Variants in SLC15A2 observed in about 807,000 individuals in gnomAD.
SLC15A2 encodes solute carrier family 15 member 2.
Under a neutral mutation model 95.5 loss-of-function variants are expected in SLC15A2, and 77 were observed. That is an observed-to-expected ratio of 0.81 (90% CI 0.67 to 0.97). The LOEUF is 0.97. Ranked by LOEUF, SLC15A2 falls within the 50% of genes least tolerant of loss-of-function variation. The pLI is 0.00. For missense variants in SLC15A2, 893 were observed against 874.4 expected, an observed-to-expected ratio of 1.02 and a Z score of -0.27; for synonymous variants, 306 against 306.9, an observed-to-expected ratio of 1.00 and a Z score of 0.03.
At chr3:121,930,345 C>G (rs556443782) in intron 17 of SLC15A2, among the ~76,000 whole-genome samples, 19 of 152,314 alleles carry the variant, frequency 1.2e-4, no homozygotes, top group Middle Eastern at 3.4e-3. Context: ...ATAACCTACT[C>G]TGGGCTGGGA....
chr3:121,929,822 T>C (rs1329488253), intron 17 of SLC15A2, among the ~76,000 whole-genome samples: 2 of 152,178 alleles, frequency 1.3e-5, no homozygotes, highest in Non-Finnish European at 2.9e-5. Flanking sequence ...CTGAAGGGTC[T>C]TGTCAAATGG....
At chr3:121,927,687 G>C in intron 13 of SLC15A2, 71 bp from the exon 14 acceptor site, 1 of 1,109,660 alleles carries the variant, frequency 9.0e-7, no homozygotes. Context: ...TTTAATAATA[G>C]GCTACAGAGT....
rs767153790 is a variant in SLC15A2, at chr3:121,915,243, G to C, written c.545G>C (p.Arg182Thr). The change falls in exon 6 of 22, where the codon AGA becomes ACA. Residue 182 changes from arginine to threonine, a missense_variant. Coordinates refer to ENST00000489711, the MANE Select transcript of SLC15A2 (RefSeq NM_021082.4). ...FEEKHAEERTRYFSVFYLSIN... is the reference protein window; with the variant it reads ...FEEKHAEERTTYFSVFYLSIN... Reference sequence around the variant, plus strand: ...TTGTTTCAGGCAGAGGAACGGACTAGATACTTCTCAGTCTTCTACCTGTCC... The same window carrying C: ...TTGTTTCAGGCAGAGGAACGGACTACATACTTCTCAGTCTTCTACCTGTCC... 1.2e-6 allele frequency: 2 copies of C among 1,613,368 alleles called. No individual in the cohort carries two copies. Among genetic ancestry groups the C allele is most frequent in the Non-Finnish European group, 1.7e-6 (2 of 1,179,314 alleles).
chr3:121,935,497 G>T (rs1279197925), intron 19 of SLC15A2, among the ~76,000 whole-genome samples: 1 of 152,162 alleles, frequency 6.6e-6, no homozygotes, highest in Non-Finnish European at 1.5e-5. Flanking sequence ...TCTTGGGAGG[G>T]TGTATGTGTC....
intron 3 of SLC15A2, among the ~76,000 whole-genome samples, chr3:121,903,861 A>C (rs1709572808): frequency 6.6e-6 from 1 of 152,180 alleles, no homozygotes; most frequent in African/African-American, 2.4e-5. Context: ...ATGAACTTTA[A>C]AGTAGTTTTT....
chr3:121,903,588 C>T (rs2107573009), intron 3 of SLC15A2, among the ~76,000 whole-genome samples: 1 of 152,238 alleles, frequency 6.6e-6, no homozygotes, highest in East Asian at 1.9e-4. Context: ...GTTTTCCTAG[C>T]ACCATTTATT....
intron 3 of SLC15A2, among the ~76,000 whole-genome samples, chr3:121,903,572 T>C (rs1025580183): frequency 2.0e-5 from 3 of 152,198 alleles, no homozygotes; most frequent in Non-Finnish European, 2.9e-5. Context: ...TACATATGGC[T>C]AGCCAGTTTT....
intron 4 of SLC15A2, 96 bp from the exon 5 acceptor site, chr3:121,912,925 C>A: frequency 1.3e-6 from 1 of 788,208 alleles, no homozygotes; most frequent in Non-Finnish European, 2.1e-6. Context: ...GGATCTTTGC[C>A]CTTGTACACA....
At chr3:121,919,690 G>C (rs1164475319) in intron 7 of SLC15A2, among the ~76,000 whole-genome samples, 1 of 152,168 alleles carries the variant, frequency 6.6e-6, no homozygotes, top group Non-Finnish European at 1.5e-5. Context: ...GTTTCACTGG[G>C]ACCCGTCCGT....
intron 18 of SLC15A2, 145 bp from the exon 19 acceptor site, chr3:121,931,494 C>A (rs1710231477): frequency 8.9e-6 from 5 of 560,144 alleles, no homozygotes; most frequent in Middle Eastern, 2.7e-4. Flanking sequence ...ATAACCTACT[C>A]CAAGAAACAT....
intron 19 of SLC15A2, among the ~76,000 whole-genome samples, chr3:121,937,946 G>A (rs1352419837): frequency 6.6e-6 from 1 of 151,644 alleles, no homozygotes; most frequent in East Asian, 1.9e-4. Context: ...GGTTTTTGGT[G>A]TGGATGTCCT....
At chr3:121,928,829 T>C (rs1237166914) in intron 15 of SLC15A2, among the ~76,000 whole-genome samples, 153 bp from the exon 16 acceptor site, 1 of 152,192 alleles carries the variant, frequency 6.6e-6, no homozygotes, top group African/African-American at 2.4e-5. Context: ...TTTCTTAGGG[T>C]AAATTCCAAG....
chr3:121,904,495 G>A (rs962783488), intron 3 of SLC15A2, among the ~76,000 whole-genome samples: 2 of 152,122 alleles, frequency 1.3e-5, no homozygotes, highest in African/African-American at 4.8e-5. Context: ...GTTTGTCATA[G>A]ATAGCTCTTA....
At chr3:121,937,091 C>T (rs1710362576) in intron 19 of SLC15A2, among the ~76,000 whole-genome samples, 2 of 128,514 alleles carry the variant, frequency 1.6e-5, no homozygotes, top group Non-Finnish European at 3.3e-5. Context: ...TGAATATTGG[C>T]CCCCACTCTC....
chr3:121,919,439 T>C (rs1475151532), intron 7 of SLC15A2, among the ~76,000 whole-genome samples: 1 of 152,320 alleles, frequency 6.6e-6, no homozygotes, highest in Non-Finnish European at 1.5e-5. Flanking sequence ...CCGAAGTAGG[T>C]AGCCGTCTGT....
In SLC15A2 at chr3:121,928,281, A is replaced by G. The variant is rs1037819632; in HGVS notation, c.1207-140A>G. On this transcript the variant is annotated intron_variant, in intron 14 of 21. Coordinates refer to ENST00000489711, the MANE Select transcript of SLC15A2 (RefSeq NM_021082.4). Reference sequence around the variant, plus strand: ...CTCCAAGCTGCCTTTAGAGTTTTCTAAGCCAAATATTTTTCAGAGGGAGAA... The same window carrying G: ...CTCCAAGCTGCCTTTAGAGTTTTCTGAGCCAAATATTTTTCAGAGGGAGAA... The G allele has an allele frequency of 7.4e-6, 8 of 1,078,492 alleles. No homozygotes were observed. In the African/African-American group the frequency reaches 1.3e-4, roughly 17 times the overall value. The allele number at this position is 1,078,492 out of a possible 1,614,324, so 66.8% of individuals were successfully genotyped here. A position where few individuals can be genotyped will look rare whatever the true frequency, so the allele number is the denominator to read the frequency against.
At chr3:121,923,775 C>G (rs1467244797) in intron 11 of SLC15A2, among the ~76,000 whole-genome samples, 1 of 152,208 alleles carries the variant, frequency 6.6e-6, no homozygotes, top group East Asian at 1.9e-4. Context: ...TCTCTACTCT[C>G]AATTGTTCTT....
chr3:121,906,682 T>C (rs1709652739), intron 3 of SLC15A2, among the ~76,000 whole-genome samples: 1 of 152,230 alleles, frequency 6.6e-6, no homozygotes, highest in Non-Finnish European at 1.5e-5. Context: ...TGTTGAATAT[T>C]GGCCCCCACT....
At chr3:121,916,224 G>T (rs1014799658) in intron 7 of SLC15A2, among the ~76,000 whole-genome samples, 3 of 152,158 alleles carry the variant, frequency 2.0e-5, no homozygotes, top group Admixed American at 2.0e-4. Context: ...AGAGGAGTTG[G>T]ATAAATAGGT....
Sources: allele counts gnomAD v4.1 joint callset (sites outside exome capture counted in the v4.1 genomes callset), GRCh38; gene constraint gnomAD v4.1.1; transcripts MANE v1.5; gene names NCBI Gene and HGNC (gene_info 2026-07-23, HGNC 2026-07-21).